Variants in KCNIP4 observed in about 807,000 individuals in gnomAD.
KCNIP4 encodes Kv channel-interacting protein 4.
A neutral mutation model predicts 34.0 loss-of-function variants in KCNIP4; 12 were observed. The observed-to-expected ratio is 0.35, with a 90% CI of 0.23 to 0.57. The LOEUF is 0.57. Ranked by LOEUF, KCNIP4 falls within the 20% of genes least tolerant of loss-of-function variation. The pLI is 0.83. For missense variants in KCNIP4, 238 were observed against 311.7 expected (o/e 0.76, Z 1.78); for synonymous variants, 124 against 102.2 (o/e 1.21, Z -1.29).
chr4:21,798,528 A>T, intron 1 of KCNIP4, among the ~76,000 whole-genome samples: 1 of 135,682 alleles, frequency 7.4e-6, no homozygotes, highest in East Asian at 2.1e-4. Flanking sequence ...AAAAAAAAAA[A>T]AAAAGGAAAG....
At chr4:20,840,665 A>G (rs1719612901) in intron 3 of KCNIP4, among the ~76,000 whole-genome samples, 1 of 152,182 alleles carries the variant, frequency 6.6e-6, no homozygotes, top group Admixed American at 6.5e-5. Context: ...AATGAGTTGA[A>G]CAGAAGTCCC....
At chr4:20,937,361 A>G (rs1428681465) in intron 1 of KCNIP4, among the ~76,000 whole-genome samples, 5 of 150,124 alleles carry the variant, frequency 3.3e-5, no homozygotes, top group African/African-American at 9.8e-5. Flanking sequence ...CAGCCTCCCA[A>G]ATAGCTGGGA....
At chr4:21,799,263 C>T (rs1720844273) in intron 1 of KCNIP4, among the ~76,000 whole-genome samples, 1 of 152,098 alleles carries the variant, frequency 6.6e-6, no homozygotes. Context: ...GATGAGGTAA[C>T]TGAGATTTAG....
At chr4:21,026,091 C>G (rs192450352) in intron 1 of KCNIP4, among the ~76,000 whole-genome samples, 1 of 152,174 alleles carries the variant, frequency 6.6e-6, no homozygotes, top group East Asian at 1.9e-4. Context: ...GCTGTGATAA[C>G]CCATAATGAG....
chr4:21,191,362 G>C (rs1278487530), intron 1 of KCNIP4, among the ~76,000 whole-genome samples: 5 of 152,182 alleles, frequency 3.3e-5, no homozygotes, highest in Non-Finnish European at 7.3e-5. Context: ...ACATACGAAG[G>C]CTGGAAAGTA....
chr4:21,059,815 C>T (rs2108968498), intron 1 of KCNIP4, among the ~76,000 whole-genome samples: 1 of 152,186 alleles, frequency 6.6e-6, no homozygotes, highest in Admixed American at 6.5e-5. Flanking sequence ...ACTTTAGTCA[C>T]TCAACACAAT....
chr4:21,634,223 C>CAAAAAA (rs376741978), intron 1 of KCNIP4, among the ~76,000 whole-genome samples: 3 of 112,476 alleles, frequency 2.7e-5, no homozygotes, highest in Non-Finnish European at 3.7e-5. Flanking sequence ...GTTCTTTCCT[C>CAAAAAA]AAAAAAAAAA....
chr4:21,090,204 G>A (rs1746873249), intron 1 of KCNIP4, among the ~76,000 whole-genome samples: 1 of 152,014 alleles, frequency 6.6e-6, no homozygotes, highest in African/African-American at 2.4e-5. Flanking sequence ...ATTTTTTTGT[G>A]TGTTTATTTG....
intron 1 of KCNIP4, among the ~76,000 whole-genome samples, chr4:21,497,152 G>A (rs921269274): frequency 1.3e-5 from 2 of 152,132 alleles, no homozygotes; most frequent in African/African-American, 4.8e-5. Flanking sequence ...GACTCAATGG[G>A]ACACTATTCA....
chr4:20,883,524 A>G (rs1194391152), intron 1 of KCNIP4, among the ~76,000 whole-genome samples: 1 of 152,128 alleles, frequency 6.6e-6, no homozygotes, highest in Non-Finnish European at 1.5e-5. Context: ...AGTCAGCATC[A>G]ATTTACCCAC....
At chr4:21,893,159 CA>C (rs1727201552) in intron 1 of KCNIP4, among the ~76,000 whole-genome samples, 1 of 151,952 alleles carries the variant, frequency 6.6e-6, no homozygotes, top group Non-Finnish European at 1.5e-5. Context: ...CACCCAGAAG[CA>C]AAAATTGTGT....
At chr4:20,952,361 GTTCA>G (rs1322822869) in intron 1 of KCNIP4, among the ~76,000 whole-genome samples, 4 of 151,994 alleles carry the variant, frequency 2.6e-5, no homozygotes, top group South Asian at 4.1e-4. Context: ...AGAATGACAT[GTTCA>G]TTATCTCAAA....
At chr4:20,830,683 AT>A (rs879637209) in intron 3 of KCNIP4, among the ~76,000 whole-genome samples, 2 of 151,298 alleles carry the variant, frequency 1.3e-5, no homozygotes, top group African/African-American at 4.9e-5. Flanking sequence ...TACAGAAAAA[AT>A]GTATAGAGAA....
At chr4:21,147,955 A>AG (rs1752489673) in intron 1 of KCNIP4, among the ~76,000 whole-genome samples, 2 of 139,004 alleles carry the variant, frequency 1.4e-5, no homozygotes, top group African/African-American at 5.4e-5. Flanking sequence ...AAAAAAAAAA[A>AG]AAAAAGAAAA....
intron 1 of KCNIP4, among the ~76,000 whole-genome samples, chr4:21,894,026 A>AAT (rs1287037003): frequency 6.6e-6 from 1 of 151,684 alleles, no homozygotes; most frequent in Admixed American, 6.6e-5. Context: ...CACATACTGA[A>AAT]TTTTTTTTTA....
intron 1 of KCNIP4, among the ~76,000 whole-genome samples, chr4:21,119,851 C>T (rs1750006877): frequency 6.6e-6 from 1 of 152,054 alleles, no homozygotes; most frequent in Admixed American, 6.5e-5. Context: ...GTAAAAGGTG[C>T]TAGAGTTGTG....
At chr4:20,737,836 T>G (rs1750013198) in intron 5 of KCNIP4, among the ~76,000 whole-genome samples, 1 of 152,226 alleles carries the variant, frequency 6.6e-6, no homozygotes. Context: ...AGTGTACATC[T>G]TGCACAACCA....
At chr4:20,803,141 A>G (rs906518279) in intron 3 of KCNIP4, among the ~76,000 whole-genome samples, 7 of 151,120 alleles carry the variant, frequency 4.6e-5, no homozygotes, top group Non-Finnish European at 1.0e-4. Context: ...ACCAAAACCT[A>G]TGGGATGCAG....
chr4:21,629,874 A>G (rs1400998485), intron 1 of KCNIP4, among the ~76,000 whole-genome samples: 1 of 30,070 alleles, frequency 3.3e-5, no homozygotes, highest in Non-Finnish European at 6.0e-5. Flanking sequence ...TTTTTGAGAC[A>G]GGGTCTTGCT....
Sources: gnomAD v4.1 joint callset for allele counts (sites outside exome capture counted in the v4.1 genomes callset) on GRCh38, gnomAD v4.1.1 for gene constraint, MANE v1.5 for transcripts, NCBI Gene and HGNC (gene_info 2026-07-23, HGNC 2026-07-21) for gene names.